The following GABRB1 variants were observed in gnomAD, a reference collection of about 807,000 sequenced individuals.
The protein encoded by GABRB1 is gamma-aminobutyric acid type A receptor subunit beta1.
GABRB1 carries 17 observed loss-of-function variants against 51.6 expected under a neutral mutation model. The ratio of observed to expected loss-of-function variants is 0.33; its 90% CI spans 0.23 to 0.49. GABRB1 has a LOEUF of 0.49. Among genes scored for constraint, GABRB1 ranks in the 20% least tolerant of loss-of-function variants. The pLI is 0.99. For synonymous variants in GABRB1, 247 were observed against 218.9 expected (o/e 1.13, Z -1.14); for missense variants, 410 against 600.6 (o/e 0.68, Z 3.32).
chr4:47,395,058 G>A (rs1035657778), intron 5 of GABRB1, among the ~76,000 whole-genome samples: 2 of 152,118 alleles, frequency 1.3e-5, no homozygotes, highest in African/African-American at 4.8e-5. Flanking sequence ...GTACAGCATT[G>A]CAAGGCAAGG....
intron 3 of GABRB1, among the ~76,000 whole-genome samples, chr4:47,054,400 A>C (rs2109514165): frequency 6.6e-6 from 1 of 151,962 alleles, no homozygotes; most frequent in South Asian, 2.1e-4. Flanking sequence ...ACTCTCTTAG[A>C]CTCACTTCTT....
At chr4:47,163,825 A>T (rs866459734) in intron 4 of GABRB1, among the ~76,000 whole-genome samples, 25 of 152,044 alleles carry the variant, frequency 1.6e-4, no homozygotes, top group South Asian at 4.1e-4. Flanking sequence ...CCTTAAAAAA[A>T]AGTGATTGGA....
chr4:47,338,808 A>G (rs1368807789), intron 5 of GABRB1, among the ~76,000 whole-genome samples: 2 of 152,212 alleles, frequency 1.3e-5, no homozygotes, highest in Non-Finnish European at 2.9e-5. Context: ...AGAAATATCC[A>G]CTATTTGTTG....
At chr4:47,268,818 C>G (rs762089658) in intron 4 of GABRB1, among the ~76,000 whole-genome samples, 2 of 152,038 alleles carry the variant, frequency 1.3e-5, no homozygotes, top group Non-Finnish European at 2.9e-5. Context: ...ACATATTGGA[C>G]ATAATGTGAT....
chr4:47,228,990 A>G (rs1278012998), intron 4 of GABRB1, among the ~76,000 whole-genome samples: 1 of 152,164 alleles, frequency 6.6e-6, no homozygotes, highest in Non-Finnish European at 1.5e-5. Flanking sequence ...AGTGTCTACT[A>G]TTGCCAGGCA....
intron 3 of GABRB1, among the ~76,000 whole-genome samples, chr4:47,107,473 G>C (rs1248108502): frequency 1.3e-5 from 2 of 151,864 alleles, no homozygotes; most frequent in Non-Finnish European, 2.9e-5. Context: ...ATTAATACAA[G>C]ATAATATTTG....
chr4:47,396,469 T>C (rs560063219), intron 5 of GABRB1, among the ~76,000 whole-genome samples: 1 of 152,326 alleles, frequency 6.6e-6, no homozygotes, highest in East Asian at 1.9e-4. Flanking sequence ...ACAACAGTAT[T>C]TTAATGAATA....
chr4:47,187,875 C>G (rs372735150), intron 4 of GABRB1, among the ~76,000 whole-genome samples: 1 of 152,022 alleles, frequency 6.6e-6, no homozygotes, highest in African/African-American at 2.4e-5. Context: ...CTTACCATCC[C>G]CTTTACCCGG....
intron 5 of GABRB1, among the ~76,000 whole-genome samples, chr4:47,398,936 G>A (rs953867548): frequency 6.6e-6 from 1 of 152,150 alleles, no homozygotes; most frequent in Non-Finnish European, 1.5e-5. Flanking sequence ...GACTATAGGG[G>A]CCCGCCACCA....
chr4:47,242,393 T>C (rs1405570559), intron 4 of GABRB1, among the ~76,000 whole-genome samples: 1 of 152,204 alleles, frequency 6.6e-6, no homozygotes, highest in Non-Finnish European at 1.5e-5. Context: ...ATCCTTTGAG[T>C]ATATACCCAG....
chr4:47,200,199 G>A (rs905316318), intron 4 of GABRB1, among the ~76,000 whole-genome samples: 11 of 152,140 alleles, frequency 7.2e-5, no homozygotes, highest in South Asian at 2.1e-4. Context: ...GGGTCAAAAC[G>A]TTGTTGGAAT....
intron 4 of GABRB1, among the ~76,000 whole-genome samples, chr4:47,286,726 A>G (rs1723523721): frequency 6.6e-6 from 1 of 152,258 alleles, no homozygotes; most frequent in Non-Finnish European, 1.5e-5. Context: ...GTACCTTGTG[A>G]AACAAAGGCA....
chr4:47,249,147 G>T (rs1321321621), intron 4 of GABRB1, among the ~76,000 whole-genome samples: 1 of 151,922 alleles, frequency 6.6e-6, no homozygotes, highest in Non-Finnish European at 1.5e-5. Flanking sequence ...AGGCATTTAG[G>T]GATATGAACT....
intron 3 of GABRB1, among the ~76,000 whole-genome samples, chr4:47,056,974 C>T (rs1400414440): frequency 5.9e-5 from 9 of 152,086 alleles, no homozygotes; most frequent in African/African-American, 1.9e-4. Flanking sequence ...GGCATGGTGG[C>T]ATGCCCCTGT....
chr4:47,419,258 C>T (rs182667772), intron 8 of GABRB1, among the ~76,000 whole-genome samples: 31 of 152,296 alleles, frequency 2.0e-4, no homozygotes, highest in East Asian at 1.9e-4. Context: ...GGAAAGTGTG[C>T]GCCAGCCAGA....
chr4:47,212,773 A>T (rs1422138391), intron 4 of GABRB1, among the ~76,000 whole-genome samples: 1 of 152,200 alleles, frequency 6.6e-6, no homozygotes. Flanking sequence ...AATTCTTTAA[A>T]ATCTAAGAAT....
Position 47,259,142 on chromosome 4 carries a change from G to C in GABRB1, c.462-60985G>C, listed in dbSNP as rs546602339. On this transcript the variant is annotated intron_variant, in intron 4 of 8. Transcript: ENST00000295454. ...CAGCAACTGACATCCATCTTTGAGAGAGCCCCATTTAACAATCCCAGCATG... is the reference window on the plus strand; with the variant it reads ...CAGCAACTGACATCCATCTTTGAGACAGCCCCATTTAACAATCCCAGCATG... 7.9e-5 allele frequency among the ~76,000 whole-genome samples: 12 copies of C among 152,156 alleles called. No individual in the cohort carries two copies. The East Asian group carries it at 2.1e-3, about 27-fold the overall frequency.
upstream of GABRB1, among the ~76,000 whole-genome samples, chr4:47,027,448 T>G (rs1162483648): frequency 6.6e-6 from 1 of 151,620 alleles, no homozygotes; most frequent in Non-Finnish European, 1.5e-5. Flanking sequence ...TGCTATAATA[T>G]ATAAATAAGA....
intron 4 of GABRB1, among the ~76,000 whole-genome samples, chr4:47,176,513 T>C (rs1718709462): frequency 6.6e-6 from 1 of 152,072 alleles, no homozygotes; most frequent in Non-Finnish European, 1.5e-5. Context: ...GATCTCTGTT[T>C]TGGAAATGTT....
Sources: allele counts gnomAD v4.1 joint callset (sites outside exome capture counted in the v4.1 genomes callset), GRCh38; gene constraint gnomAD v4.1.1; transcripts MANE v1.5; gene names NCBI Gene and HGNC (gene_info 2026-07-23, HGNC 2026-07-21).